The following THOC1 variants were observed in gnomAD, a reference collection of about 807,000 sequenced individuals.
The protein encoded by THOC1 is THO complex subunit 1.
A neutral mutation model predicts 97.3 loss-of-function variants in THOC1; 29 were observed. That is an observed-to-expected ratio of 0.30 (90% CI 0.22 to 0.41). THOC1 has a LOEUF of 0.41. Among genes scored for constraint, THOC1 ranks in the 10% least tolerant of loss-of-function variants. The pLI is 1.00. For synonymous variants in THOC1, 255 were observed against 257.0 expected (o/e 0.99, Z 0.07); for missense variants, 529 against 761.9 (o/e 0.69, Z 3.60).
chr18:262,865 G>C (rs1344830332), intron 4 of THOC1, among the ~76,000 whole-genome samples: 1 of 152,112 alleles, frequency 6.6e-6, no homozygotes, highest in Non-Finnish European at 1.5e-5. Context: ...AATCAAATGA[G>C]TATTTTAACC....
At chr18:224,521 G>A (rs1282488380) in intron 15 of THOC1, among the ~76,000 whole-genome samples, 1 of 151,688 alleles carries the variant, frequency 6.6e-6, no homozygotes. Context: ...GGAGGCTGCG[G>A]TGAGCCAAGA....
chr18:226,935 A>C (rs1468969867), intron 11 of THOC1, 34 bp from the exon 12 acceptor site: 2 of 1,504,784 alleles, frequency 1.3e-6, no homozygotes, highest in East Asian at 2.3e-5. Flanking sequence ...ATACGAAAAC[A>C]ACACATTAAA....
At chr18:250,764 G>A (rs1198306445) in intron 9 of THOC1, among the ~76,000 whole-genome samples, 2 of 152,194 alleles carry the variant, frequency 1.3e-5, no homozygotes, top group Admixed American at 6.5e-5. Context: ...AGAGGCAGCT[G>A]AGTGTTGAGT....
At position 260,416 on chromosome 18, in the gene THOC1, A is replaced by G. The variant is rs375031763; in HGVS notation, c.257-112T>C. ...AAAGGTACACTTTGTTACTCATAAC[A>G]AGGTTTTAAAAGGACAAGAAGTGGA... On this transcript the variant is annotated intron_variant, in intron 4 of 20. Transcript: ENST00000261600. 2.7e-4 allele frequency: 184 copies of G among 692,698 alleles called. 1 individual carries two copies. The African/African-American group carries it at 3.0e-3, about 11-fold the overall frequency. The allele number at this position is 692,698 out of a possible 1,614,324, so 42.9% of individuals were successfully genotyped here. A position where few individuals can be genotyped will look rare whatever the true frequency, so the allele number is the denominator to read the frequency against.
chr18:247,036 T>G (rs1162904081), intron 10 of THOC1, among the ~76,000 whole-genome samples: 20 of 152,204 alleles, frequency 1.3e-4, no homozygotes, highest in Non-Finnish European at 2.9e-4. Flanking sequence ...TTTAACCACC[T>G]GTGGAAACTC....
intron 12 of THOC1, chr18:225,642 A>C: frequency 2.0e-6 from 1 of 492,892 alleles, no homozygotes; most frequent in Non-Finnish European, 3.6e-6. Flanking sequence ...CAATTAATCA[A>C]TCAGATTCAC....
intron 11 of THOC1, chr18:245,915 C>G (rs1435759243): frequency 6.5e-6 from 1 of 154,920 alleles, no homozygotes; most frequent in Non-Finnish European, 1.4e-5. Flanking sequence ...AATCTTGTAG[C>G]ATTATATTTG....
chr18:267,152 T>C (rs1312337498), intron 1 of THOC1, among the ~76,000 whole-genome samples: 4 of 152,116 alleles, frequency 2.6e-5, no homozygotes, highest in Non-Finnish European at 4.4e-5. Flanking sequence ...GAAATGTTGG[T>C]GCAAATGCTA....
chr18:260,769 A>G (rs1300959592), intron 4 of THOC1: 1 of 152,314 alleles, frequency 6.6e-6, no homozygotes, highest in Non-Finnish European at 1.5e-5. Context: ...GCTATTCAAA[A>G]GAATATAATG....
At chr18:224,578 CAAAA>C (rs11339735) in intron 15 of THOC1, among the ~76,000 whole-genome samples, 1 of 125,930 alleles carries the variant, frequency 7.9e-6, no homozygotes, top group Non-Finnish European at 1.7e-5. Context: ...GACTCCCTCT[CAAAA>C]AAAAAAAAAA....
intron 11 of THOC1, among the ~76,000 whole-genome samples, chr18:237,430 T>TA: frequency 6.6e-6 from 1 of 152,288 alleles, no homozygotes; most frequent in East Asian, 1.9e-4. Flanking sequence ...GTGCTGGGAT[T>TA]ACGAGCGTGA....
Position 221,830 on chromosome 18 carries a change from T to G in THOC1, c.1370+1610A>C, listed in dbSNP as rs377290162. ...TCACCGTGTTAGCCACGATGGTCTCTATCTCCTGACCTCATGATCCGCCCG... is the reference window on the plus strand; with the variant it reads ...TCACCGTGTTAGCCACGATGGTCTCGATCTCCTGACCTCATGATCCGCCCG... On this transcript the variant is annotated intron_variant, in intron 17 of 20. Transcript: ENST00000261600. 3.9e-3 allele frequency among the ~76,000 whole-genome samples: 592 copies of G among 152,110 alleles called. 1 individual carries two copies. Among genetic ancestry groups the G allele is most frequent in the Middle Eastern group, 0.02 (6 of 294 alleles).
At chr18:223,217 A>T (rs2143160364) in intron 17 of THOC1, among the ~76,000 whole-genome samples, 1 of 152,226 alleles carries the variant, frequency 6.6e-6, no homozygotes, top group South Asian at 2.1e-4. Context: ...TTCTGTTTGT[A>T]GTTTTGATTC....
chr18:267,589 C>A (rs938759021), intron 1 of THOC1, among the ~76,000 whole-genome samples: 1 of 152,206 alleles, frequency 6.6e-6, no homozygotes, highest in African/African-American at 2.4e-5. Flanking sequence ...GGTCTTTGGA[C>A]TGAAACCACT....
intron 11 of THOC1, among the ~76,000 whole-genome samples, chr18:240,423 T>C (rs571528573): frequency 6.6e-6 from 1 of 152,350 alleles, no homozygotes; most frequent in South Asian, 2.1e-4. Flanking sequence ...TTTTGTAATA[T>C]GCTCAATGAT....
intron 11 of THOC1, among the ~76,000 whole-genome samples, chr18:227,264 G>C (rs556194249): frequency 6.6e-6 from 1 of 152,156 alleles, no homozygotes; most frequent in African/African-American, 2.4e-5. Flanking sequence ...AGGATCACTT[G>C]AGCTCAGGAG....
intron 10 of THOC1, among the ~76,000 whole-genome samples, chr18:247,456 T>C (rs1400514747): frequency 6.6e-6 from 1 of 152,234 alleles, no homozygotes; most frequent in African/African-American, 2.4e-5. Context: ...TGGATGGTCA[T>C]GGTACTATTC....
intron 11 of THOC1, among the ~76,000 whole-genome samples, chr18:241,519 T>C (rs1032890613): frequency 6.6e-6 from 1 of 152,222 alleles, no homozygotes; most frequent in African/African-American, 2.4e-5. Flanking sequence ...AGTACATAAC[T>C]GTGGGTAACC....
rs1567844205 is a variant in THOC1 at position 224,890 on chromosome 18, G to GT, written c.1208+33dup. The GT allele has an allele frequency of 4.0e-6, 6 of 1,505,850 alleles. No individual in the cohort carries two copies. The South Asian group carries it at 4.8e-5, about 12-fold the overall frequency. 93.3% of individuals were successfully genotyped at this position (1,505,850 alleles called of 1,614,324 possible). A position where few individuals can be genotyped will look rare whatever the true frequency, so the allele number is the denominator to read the frequency against. ...GCCTTTCTCGTCGTTCTTGTGATGA[G>GT]TATGTATTTACCTTTCTTTCAGTAT... On this transcript the variant is annotated intron_variant, in intron 15 of 20. Transcript: ENST00000261600.
Sources: allele counts gnomAD v4.1 joint callset (sites outside exome capture counted in the v4.1 genomes callset), GRCh38; gene constraint gnomAD v4.1.1; transcripts MANE v1.5; gene names NCBI Gene and HGNC (gene_info 2026-07-23, HGNC 2026-07-21).